OTOGL: variants seen among roughly 807,000 people sequenced by gnomAD.
OTOGL encodes the protein otogelin like, also known as otogelin-like protein.
OTOGL carries 285 observed loss-of-function variants against 318.5 expected under a neutral mutation model. The ratio of observed to expected loss-of-function variants is 0.89; its 90% CI spans 0.81 to 0.99. The LOEUF is 0.99. OTOGL is among the 50% of genes least tolerant of loss of function. The pLI, the probability that OTOGL is intolerant of heterozygous loss-of-function variation, is 0.00. For missense variants in OTOGL, 2,899 were observed against 2,845.6 expected (o/e 1.02, Z -0.43); for synonymous variants, 987 against 936.5 (o/e 1.05, Z -0.99).
At chr12:80,128,370 C>G (rs1198574452) in intron 1 of OTOGL, among the ~76,000 whole-genome samples, 2 of 152,172 alleles carry the variant, frequency 1.3e-5, no homozygotes, top group Non-Finnish European at 1.5e-5. Context: ...TGGTGAACAG[C>G]AAATGTTGCT....
chr12:80,242,704 C>A (rs920629751), intron 11 of OTOGL, among the ~76,000 whole-genome samples: 1 of 152,000 alleles, frequency 6.6e-6, no homozygotes, highest in African/African-American at 2.4e-5. Context: ...TTTTGTCACT[C>A]CTTGGAGAAA....
At chr12:80,145,574 GT>G (rs1206294655) in intron 1 of OTOGL, among the ~76,000 whole-genome samples, 4 of 151,864 alleles carry the variant, frequency 2.6e-5, no homozygotes, top group Non-Finnish European at 5.9e-5. Context: ...CTTTAAAGTA[GT>G]TTTTTCCAAT....
chr12:80,321,420 C>A (rs1360133368), intron 34 of OTOGL, among the ~76,000 whole-genome samples: 4 of 152,044 alleles, frequency 2.6e-5, no homozygotes, highest in Non-Finnish European at 5.9e-5. Flanking sequence ...TTCTGCAAGC[C>A]CTTCTAATAA....
intron 1 of OTOGL, among the ~76,000 whole-genome samples, chr12:80,107,992 G>A (rs967435140): frequency 6.6e-6 from 1 of 151,832 alleles, no homozygotes; most frequent in Non-Finnish European, 1.5e-5. Context: ...ACTATCTATT[G>A]GGTACTATGT....
intron 46 of OTOGL, among the ~76,000 whole-genome samples, chr12:80,355,227 TTC>T (rs200928875): frequency 0.019 from 646 of 34,846 alleles, 25 homozygotes; most frequent in South Asian, 0.052. Context: ...TTTCTTTCTT[TTC>T]TTTTTTTTTT....
intron 13 of OTOGL, among the ~76,000 whole-genome samples, chr12:80,252,602 G>C (rs1343678475): frequency 6.6e-6 from 1 of 152,166 alleles, no homozygotes; most frequent in African/African-American, 2.4e-5. Flanking sequence ...AACTTAGCAA[G>C]TGAGAGAGGT....
chr12:80,151,959 C>T (rs746309921), intron 1 of OTOGL, among the ~76,000 whole-genome samples: 18 of 152,110 alleles, frequency 1.2e-4, no homozygotes, highest in Non-Finnish European at 2.2e-4. Flanking sequence ...TTTATTTTTA[C>T]CATTATTGTT....
Position 80,318,584 on chromosome 12 carries a change from C to A in OTOGL, c.3673C>A (p.Gln1225Lys), listed in dbSNP as rs1291240459. The change falls in exon 33 of 59, where the codon CAG becomes AAG. Residue 1225 changes from glutamine (Q) to lysine (K), a missense_variant. Around this residue, in one of 3 missense-constraint regions of OTOGL, gnomAD observed 2,607 missense variants for 2,524.9 expected, o/e 1.03. Coordinates refer to ENST00000547103, the MANE Select transcript of OTOGL (RefSeq NM_001378609.3). ...ACCATATATGCTGGCAAGCTATGGG[C>A]AGAGTGGCCTTGTTCTGGGGGCCAA... ...EGPYMLASYG[Q>K]SGLVLGANMT... The A allele has an allele frequency of 2.8e-6, 4 of 1,422,850 alleles. No individual in the cohort carries two copies. In the Admixed American group the frequency reaches 9.4e-5, roughly 33 times the overall value. The allele number at this position is 1,422,850 out of a possible 1,614,324, so 88.1% of individuals were successfully genotyped here.
intron 1 of OTOGL, among the ~76,000 whole-genome samples, chr12:80,141,126 G>A (rs1278772004): frequency 6.6e-6 from 1 of 152,112 alleles, no homozygotes; most frequent in African/African-American, 2.4e-5. Flanking sequence ...TTAAAGGAAA[G>A]GGCTGGTAAT....
chr12:80,159,302 G>A (rs570405412), intron 1 of OTOGL, among the ~76,000 whole-genome samples: 19 of 152,042 alleles, frequency 1.2e-4, no homozygotes, highest in African/African-American at 3.9e-4. Context: ...TTGATTTTTT[G>A]TTATGTCCTT....
intron 56 of OTOGL, among the ~76,000 whole-genome samples, chr12:80,371,443 G>A (rs887837328): frequency 6.6e-6 from 1 of 151,880 alleles, no homozygotes. Flanking sequence ...AAAAACTTGG[G>A]CATCATCTTG....
At position 80,218,802 on chromosome 12, in the gene OTOGL, T is replaced by C. The variant is rs536347179; in HGVS notation, c.236-1012T>C. 5.6e-5 allele frequency among the ~76,000 whole-genome samples: 8 copies of C among 143,830 alleles called. No individual in the cohort carries two copies. The East Asian group carries it at 1.6e-3, about 28-fold the overall frequency. The allele number at this position is 143,830 out of a possible 152,430, so 94.4% of individuals were successfully genotyped here. Reference sequence around the variant, plus strand: ...TTTTTTTTCTTTTTCTTTCTTTTTTTTTTTTTTTTTTTGAGACAGTCTTGC... The same window carrying C: ...TTTTTTTTCTTTTTCTTTCTTTTTTCTTTTTTTTTTTTGAGACAGTCTTGC... On this transcript the variant is annotated intron_variant, in intron 5 of 58. Coordinates refer to ENST00000547103, the MANE Select transcript of OTOGL (RefSeq NM_001378609.3).
intron 1 of OTOGL, among the ~76,000 whole-genome samples, chr12:80,122,668 C>T (rs963118704): frequency 1.3e-5 from 2 of 152,136 alleles, no homozygotes; most frequent in African/African-American, 4.8e-5. Flanking sequence ...GTGTCATTCC[C>T]CAGATGCTGT....
intron 9 of OTOGL, 40 bp downstream of exon 9, chr12:80,233,137 CCTT>C (rs771778359): frequency 4.0e-6 from 6 of 1,499,990 alleles, no homozygotes; most frequent in Non-Finnish European, 4.5e-6. Flanking sequence ...CCTTCTAAAG[CCTT>C]CTTCTTCCCC....
In OTOGL at chr12:80,252,137, C is replaced by T. The variant is rs1881619378; in HGVS notation, c.1221C>T (p.Cys407=). 1.9e-6 allele frequency: 3 copies of T among 1,577,490 alleles called. No individual in the cohort carries two copies. The highest frequency in any genetic ancestry group is 2.6e-6 in the Non-Finnish European group (3 of 1,159,460). The change falls in exon 13 of 59, where the codon TGC becomes TGT. Residue 407 remains cysteine (C), a synonymous_variant. Coordinates refer to ENST00000547103, the MANE Select transcript of OTOGL (RefSeq NM_001378609.3). ...GTATCAGTTGTTGTCCACCAACCTG[C>T]ACATTTGAGAAGCAATGTCTTGGGA... is the stretch of plus-strand genomic sequence containing the variant. ...RDCISCCPPT[C]TFEKQCLGSN...
chr12:80,114,866 A>G (rs1029523196), intron 1 of OTOGL, among the ~76,000 whole-genome samples: 2 of 150,814 alleles, frequency 1.3e-5, no homozygotes, highest in African/African-American at 4.9e-5. Context: ...CATTAAGTTG[A>G]TCTTCAATCT....
chr12:80,302,753 T>C lies in OTOGL; in HGVS notation c.3183T>C (p.Thr1061=), dbSNP rs547129062. The C allele has an allele frequency of 6.5e-7, 1 of 1,528,988 alleles. No homozygotes were observed. The highest frequency in any genetic ancestry group is 8.8e-7 in the Non-Finnish European group (1 of 1,142,614). 94.7% of individuals were successfully genotyped at this position (1,528,988 alleles called of 1,614,324 possible). A position where few individuals can be genotyped will look rare whatever the true frequency, so the allele number is the denominator to read the frequency against. The change falls in exon 28 of 59, where the codon ACT becomes ACC. Residue 1061 remains threonine, a synonymous_variant. Transcript: ENST00000547103. The part of the protein sequence containing the change: ...DITILWDRKT[T]IHIKVGPQWK... ...CTATTCTTTGGGATAGGAAGACAAC[T>C]ATTCATATCAAAGTTGGGCCACAGT... is the stretch of plus-strand genomic sequence containing the variant.
intron 24 of OTOGL, among the ~76,000 whole-genome samples, chr12:80,273,434 T>C (rs192340445): frequency 6.6e-6 from 1 of 152,124 alleles, no homozygotes; most frequent in East Asian, 1.9e-4. Context: ...AAATGGAGAA[T>C]AGTATAGAGG....
rs900909282 is a variant in OTOGL, at chr12:80,230,969, A to G, written c.611+1591A>G. ...ACTATTATTTCCCATCTCCACTGGC[A>G]TCCTTCTGTGTTATAAACTTCAGGA... is the stretch of plus-strand genomic sequence containing the variant. On this transcript the variant is annotated intron_variant, in intron 8 of 58. Transcript: ENST00000547103. 2.0e-5 allele frequency among the ~76,000 whole-genome samples: 3 copies of G among 152,200 alleles called. No homozygotes were observed. In the East Asian group the frequency reaches 5.8e-4, roughly 29 times the overall value.
Sources: allele counts gnomAD v4.1 joint callset (sites outside exome capture counted in the v4.1 genomes callset), GRCh38; gene constraint gnomAD v4.1.1; regional missense constraint gnomAD v4.1.1; transcripts MANE v1.5; gene names NCBI Gene and HGNC (gene_info 2026-07-23, HGNC 2026-07-21).